Variants in CPM observed in about 807,000 individuals in gnomAD.
CPM encodes carboxypeptidase M.
Under a neutral mutation model 46.4 loss-of-function variants are expected in CPM, and 35 were observed. The ratio of observed to expected loss-of-function variants is 0.75; its 90% CI spans 0.58 to 1.00. The LOEUF (loss-of-function observed/expected upper bound fraction) is 1.00. CPM is among the 50% of genes least tolerant of loss of function. The pLI is 0.00. For synonymous variants in CPM, 195 were observed against 195.3 expected (o/e 1.00, Z 0.01); for missense variants, 422 against 530.4 (o/e 0.80, Z 2.01).
upstream of CPM, among the ~76,000 whole-genome samples, chr12:68,937,586 C>T (rs1888691875): frequency 6.6e-6 from 1 of 152,210 alleles, no homozygotes. Context: ...CAATGTAGAT[C>T]TGCATTTATT....
intron 7 of CPM, among the ~76,000 whole-genome samples, chr12:68,862,265 C>T (rs1458950733): frequency 7.2e-6 from 1 of 139,196 alleles, no homozygotes; most frequent in East Asian, 1.9e-4. Context: ...ATTGAAGTCT[C>T]CCTCTGTTGC....
chr12:68,918,657 C>A (rs1174080642), intron 2 of CPM, among the ~76,000 whole-genome samples: 1 of 152,300 alleles, frequency 6.6e-6, no homozygotes, highest in South Asian at 2.1e-4. Flanking sequence ...CAACCCAACC[C>A]AACCCATTAG....
rs1006581715 is a variant in CPM, at chr12:68,869,343, A to T, written c.769T>A (p.Ser257Thr). Residue 257 changes from serine (S) to threonine (T), a missense_variant, in exon 6 of 9, where the codon TCT (serine) becomes ACT (threonine). Transcript: ENST00000551568. ...NFPNGVTNGY[S>T]WYPLQGGMQD... Reference sequence around the variant, plus strand: ...AACTCACCTTGGAGTGGATACCAAGAGTATCCATTTGTAACACCATTAGGA... The same window carrying T: ...AACTCACCTTGGAGTGGATACCAAGTGTATCCATTTGTAACACCATTAGGA... 3.1e-6 allele frequency: 5 copies of T among 1,613,138 alleles called. No individual in the cohort carries two copies. The Admixed American group carries it at 8.4e-5, about 27-fold the overall frequency.
At chr12:68,952,233 T>C (rs1473500718) in intron 1 of CPM, among the ~76,000 whole-genome samples, 1 of 152,234 alleles carries the variant, frequency 6.6e-6, no homozygotes, top group African/African-American at 2.4e-5. Flanking sequence ...TTTGGGTTTT[T>C]GCTTAGGATA....
intron 1 of CPM, among the ~76,000 whole-genome samples, chr12:68,960,608 C>A (rs1389632971): frequency 6.6e-6 from 1 of 152,158 alleles, no homozygotes; most frequent in Non-Finnish European, 1.5e-5. Flanking sequence ...GATCAGTGAC[C>A]TAAGTCCTGG....
At chr12:68,952,960 C>T (rs970429675) in intron 1 of CPM, among the ~76,000 whole-genome samples, 1 of 152,204 alleles carries the variant, frequency 6.6e-6, no homozygotes, top group African/African-American at 2.4e-5. Context: ...CCTGGCCTAT[C>T]TGTGTGATTC....
intron 1 of CPM, among the ~76,000 whole-genome samples, chr12:68,954,610 C>T (rs1393299874): frequency 3.3e-5 from 5 of 152,188 alleles, no homozygotes; most frequent in African/African-American, 9.7e-5. Flanking sequence ...CATCTATGTG[C>T]CAGTGACCCC....
chr12:68,959,532 C>G (rs1424319968), intron 1 of CPM, among the ~76,000 whole-genome samples: 1 of 151,996 alleles, frequency 6.6e-6, no homozygotes, highest in Non-Finnish European at 1.5e-5. Context: ...GCAGTTGGAC[C>G]AAGGACAAAT....
upstream of CPM, among the ~76,000 whole-genome samples, chr12:68,933,545 G>A (rs1179935489): frequency 6.6e-6 from 1 of 152,130 alleles, no homozygotes; most frequent in Non-Finnish European, 1.5e-5. Context: ...CTTGGGAGAC[G>A]TTTAGGGCTC....
At chr12:68,887,457 CA>C (rs1886481404) in intron 2 of CPM, among the ~76,000 whole-genome samples, 1 of 152,160 alleles carries the variant, frequency 6.6e-6, no homozygotes, top group African/African-American at 2.4e-5. Flanking sequence ...TTATTTTCAA[CA>C]TTTATTCATA....
At chr12:68,845,006 G>T in intron 5 of CPM, 1 of 196,282 alleles carries the variant, frequency 5.1e-6, no homozygotes, top group Non-Finnish European at 1.1e-5. Context: ...GACCTCAAGT[G>T]ATCTGCCCGC....
At chr12:68,958,389 C>T (rs1889059927) in intron 1 of CPM, among the ~76,000 whole-genome samples, 1 of 152,154 alleles carries the variant, frequency 6.6e-6, no homozygotes, top group East Asian at 1.9e-4. Context: ...TTTTAAATGC[C>T]TTTTTTAATT....
At chr12:68,856,790 A>G in intron 8 of CPM, 111 bp from the exon 9 acceptor site, 1 of 1,376,074 alleles carries the variant, frequency 7.3e-7, no homozygotes, top group Non-Finnish European at 9.9e-7. Flanking sequence ...AATGCATGTA[A>G]CAATCTACCA....
chr12:68,933,072 C>T, intron 1 of CPM, 70 bp downstream of exon 1: 1 of 444,906 alleles, frequency 2.2e-6, no homozygotes, highest in East Asian at 4.2e-5. Context: ...CCCTCTCCTC[C>T]TCCTCCTGGC....
At chr12:68,941,306 C>T (rs1888757427) in intron 1 of CPM, among the ~76,000 whole-genome samples, 1 of 151,942 alleles carries the variant, frequency 6.6e-6, no homozygotes, top group Non-Finnish European at 1.5e-5. Context: ...GTGAGTGAAG[C>T]ATCAAATGGT....
intron 2 of CPM, among the ~76,000 whole-genome samples, chr12:68,930,289 C>T (rs1249571497): frequency 6.6e-6 from 1 of 152,196 alleles, no homozygotes; most frequent in Admixed American, 6.5e-5. Flanking sequence ...ACCATGTTGG[C>T]CAGGCTGGTC....
intron 1 of CPM, among the ~76,000 whole-genome samples, chr12:68,948,896 T>C (rs1888890808): frequency 6.6e-6 from 1 of 152,204 alleles, no homozygotes; most frequent in Non-Finnish European, 1.5e-5. Context: ...CATTGCTCAG[T>C]AGCCAGTGGC....
chr12:68,927,199 A>G (rs1888305209), intron 2 of CPM, among the ~76,000 whole-genome samples: 1 of 151,000 alleles, frequency 6.6e-6, no homozygotes, highest in Admixed American at 6.6e-5. Flanking sequence ...AAGTGTTCCT[A>G]TTTCTCCACA....
chr12:68,883,760 A>G (rs1333149418), intron 3 of CPM, among the ~76,000 whole-genome samples: 1 of 152,116 alleles, frequency 6.6e-6, no homozygotes, highest in Non-Finnish European at 1.5e-5. Context: ...CAGCAATAAA[A>G]AAACTACTAA....
Sources: gnomAD v4.1 joint callset for allele counts (sites outside exome capture counted in the v4.1 genomes callset) on GRCh38, gnomAD v4.1.1 for gene constraint, MANE v1.5 for transcripts, NCBI Gene and HGNC (gene_info 2026-07-23, HGNC 2026-07-21) for gene names.